The following DCDC2 variants were observed in gnomAD, a reference collection of about 807,000 sequenced individuals.
DCDC2 encodes doublecortin domain containing 2, also known as doublecortin domain-containing protein 2.
A neutral mutation model predicts 50.2 loss-of-function variants in DCDC2; 40 were observed. The observed-to-expected ratio is 0.80, with a 90% CI of 0.62 to 1.04. The LOEUF (loss-of-function observed/expected upper bound fraction) is 1.04. Ranked by LOEUF, DCDC2 falls within the 50% of genes least tolerant of loss-of-function variation. The pLI is 0.00. For missense variants in DCDC2, 570 were observed against 581.9 expected, an observed-to-expected ratio of 0.98 and a Z score of 0.21; for synonymous variants, 234 against 210.6, an observed-to-expected ratio of 1.11 and a Z score of -0.96.
intron 7 of DCDC2, among the ~76,000 whole-genome samples, chr6:24,239,619 AT>A (rs986741014): frequency 6.6e-6 from 1 of 152,118 alleles, no homozygotes; most frequent in South Asian, 2.1e-4. Flanking sequence ...CTTTCCTGTG[AT>A]TTTTTTCAAT....
chr6:24,196,454 T>A lies in DCDC2; in HGVS notation c.1023+8548A>T, dbSNP rs116959362. ...TTTCTTTTTTGAGACAGAGTCTCGC[T>A]GTGTCACCCACACTACAGTGAGGTG... On this transcript the variant is annotated intron_variant, in intron 8 of 9. Coordinates refer to ENST00000378454, the MANE Select transcript of DCDC2 (RefSeq NM_016356.5). Among the ~76,000 whole-genome samples the A allele has an allele frequency of 7.9e-5, 12 of 152,326 alleles. No individual in the cohort carries two copies. In the East Asian group the frequency reaches 1.7e-3, roughly 22 times the overall value.
intron 7 of DCDC2, among the ~76,000 whole-genome samples, chr6:24,269,726 T>G (rs1763198408): frequency 6.6e-6 from 1 of 151,996 alleles, no homozygotes; most frequent in Non-Finnish European, 1.5e-5. Context: ...GTAACTGTTT[T>G]AAAAAAGGGG....
intron 7 of DCDC2, among the ~76,000 whole-genome samples, chr6:24,220,361 T>C (rs539417734): frequency 1.3e-5 from 2 of 152,316 alleles, no homozygotes; most frequent in Admixed American, 1.3e-4. Flanking sequence ...TTACTCAGAA[T>C]GACAGTAAGT....
chr6:24,378,980 C>T, the DCDC2 span, among the ~76,000 whole-genome samples: 2 of 134,124 alleles, frequency 1.5e-5, no homozygotes. Flanking sequence ...AAAAAAAAGG[C>T]CAATCTAGCC....
rs773965859 is a variant in DCDC2 at position 24,290,990 on chromosome 6, T to C, written c.646A>G (p.Lys216Glu). The change falls in exon 5 of 10, where the codon AAG (lysine) becomes GAG (glutamate). Residue 216 changes from lysine (K) to glutamate (E), a missense_variant. By Grantham distance (56) the Lys-to-Glu change is moderately conservative. Coordinates refer to ENST00000378454, the MANE Select transcript of DCDC2 (RefSeq NM_016356.5). ...AGTAACTCACTGTAAGGCAGTTTCTTAAACTTATCTCTGCCAACAGCCACA... is the reference window on the plus strand; with the variant it reads ...AGTAACTCACTGTAAGGCAGTTTCTCAAACTTATCTCTGCCAACAGCCACA... ...FYVAVGRDKF[K>E]KLPYSELLFD... 1 of 1,614,076 alleles carries C rather than the reference T, an allele frequency of 6.2e-7. No homozygotes were observed. The highest frequency in any genetic ancestry group is 8.5e-7 in the Non-Finnish European group (1 of 1,179,970).
chr6:24,179,531 G>C (rs1386868707), intron 8 of DCDC2, among the ~76,000 whole-genome samples: 2 of 101,666 alleles, frequency 2.0e-5, no homozygotes, highest in African/African-American at 8.7e-5. Flanking sequence ...CTGGGTGACA[G>C]AGCAAGACAC....
chr6:24,354,659 A>G (rs793719), intron 1 of DCDC2, among the ~76,000 whole-genome samples: 67,422 of 151,898 alleles, frequency 0.44, 16,043 homozygotes, highest in Non-Finnish European at 0.54. Context: ...AAATAATACC[A>G]AAATATTCTG....
At chr6:24,321,350 C>A (rs114485842) in intron 2 of DCDC2, among the ~76,000 whole-genome samples, 1 of 151,952 alleles carries the variant, frequency 6.6e-6, no homozygotes, top group Non-Finnish European at 1.5e-5. Flanking sequence ...CTCCACAAGA[C>A]GGTAATTAAT....
chr6:24,364,736 C>CAA, the DCDC2 span, among the ~76,000 whole-genome samples: 4 of 138,414 alleles, frequency 2.9e-5, no homozygotes, highest in Non-Finnish European at 3.2e-5. Context: ...TTCAGATCAG[C>CAA]AAAAAAAAAA....
intron 9 of DCDC2, among the ~76,000 whole-genome samples, chr6:24,176,645 A>C (rs1760920685): frequency 6.6e-6 from 1 of 152,170 alleles, no homozygotes; most frequent in African/African-American, 2.4e-5. Context: ...CTGCTCTGTT[A>C]GTGATTTTCA....
chr6:24,310,927 C>T (rs1023291838), intron 2 of DCDC2, among the ~76,000 whole-genome samples: 1 of 152,156 alleles, frequency 6.6e-6, no homozygotes, highest in Admixed American at 6.5e-5. Context: ...TTCTTACCTG[C>T]CCCCACAGCC....
At chr6:24,221,864 G>A (rs970937278) in intron 7 of DCDC2, among the ~76,000 whole-genome samples, 1 of 152,170 alleles carries the variant, frequency 6.6e-6, no homozygotes. Context: ...CAGAACCTTG[G>A]AGGAAGCATC....
chr6:24,319,350 G>A (rs1759731629), intron 2 of DCDC2, among the ~76,000 whole-genome samples: 1 of 151,488 alleles, frequency 6.6e-6, no homozygotes, highest in South Asian at 2.1e-4. Flanking sequence ...GTCCCCTGTG[G>A]GATGCATAGT....
the DCDC2 span, among the ~76,000 whole-genome samples, chr6:24,379,260 G>A: frequency 2.0e-5 from 3 of 152,066 alleles, no homozygotes; most frequent in African/African-American, 2.4e-5. Flanking sequence ...GCAACCTACA[G>A]AATGCGAGAA....
At chr6:24,369,656 A>C in the DCDC2 span, among the ~76,000 whole-genome samples, 1 of 152,192 alleles carries the variant, frequency 6.6e-6, no homozygotes, top group African/African-American at 2.4e-5. Context: ...CTGATAGATC[A>C]GGGAAAATGA....
At chr6:24,359,328 A>ATATATATTATATATTACATATATTT (rs1760597848), upstream of DCDC2, among the ~76,000 whole-genome samples, 1 of 39,654 alleles carries the variant, frequency 2.5e-5, no homozygotes, top group East Asian at 6.0e-4. Flanking sequence ...TTATATTTTT[A>ATATATATTATATATTACATATATTT]TATATATTAT....
Position 24,178,368 on chromosome 6 carries a change from C to T in DCDC2, c.1288G>A (p.Glu430Lys), listed in dbSNP as rs781230955. 8 of 1,613,972 alleles carry T rather than the reference C, an allele frequency of 5.0e-6. No individual in the cohort carries two copies. In the South Asian group the frequency reaches 7.7e-5, roughly 16 times the overall value. ...CTGCCAGCTCCTTGAGACTTTCTTT[C>T]CTTGTCTAGGACCAGTTGAAGCTCA... ...NNELQLVLDK[E>K]RKSQGAGSGQ... is the part of the protein sequence containing the mutation. The change falls in exon 9 of 10, where the codon GAA (glutamate) becomes AAA (lysine). Residue 430 changes from glutamate (E) to lysine (K), a missense_variant. By Grantham distance (56) the Glu-to-Lys change is moderately conservative. Coordinates refer to ENST00000378454, the MANE Select transcript of DCDC2 (RefSeq NM_016356.5).
intron 7 of DCDC2, among the ~76,000 whole-genome samples, chr6:24,251,489 A>G (rs901928712): frequency 5.9e-5 from 9 of 152,280 alleles, no homozygotes; most frequent in African/African-American, 1.4e-4. Flanking sequence ...AAATTCTGCT[A>G]TCTCAGAGAG....
chr6:24,315,290 C>A (rs1478357012), intron 2 of DCDC2, among the ~76,000 whole-genome samples: 1 of 151,950 alleles, frequency 6.6e-6, no homozygotes, highest in East Asian at 1.9e-4. Context: ...GTCGTCCACA[C>A]CAGCCACCAG....
Sources: allele counts gnomAD v4.1 joint callset (sites outside exome capture counted in the v4.1 genomes callset), GRCh38; gene constraint gnomAD v4.1.1; transcripts MANE v1.5; gene names NCBI Gene and HGNC (gene_info 2026-07-23, HGNC 2026-07-21).